ZNF366: variants seen among roughly 807,000 people sequenced by gnomAD.
ZNF366 encodes dendritic cell-specific transcript protein.
ZNF366 carries 20 observed loss-of-function variants against 47.2 expected under a neutral mutation model. The ratio of observed to expected loss-of-function variants is 0.42; its 90% CI spans 0.30 to 0.62. The LOEUF is 0.62. ZNF366 is among the 20% of genes least tolerant of loss of function. ZNF366 has a pLI of 0.16. For synonymous variants in ZNF366, 421 were observed against 395.1 expected (o/e 1.07, Z -0.78); for missense variants, 987 against 976.3 (o/e 1.01, Z -0.15).
At chr5:72,489,053 T>A (rs1743952436) in intron 1 of ZNF366, among the ~76,000 whole-genome samples, 1 of 152,178 alleles carries the variant, frequency 6.6e-6, no homozygotes, top group Non-Finnish European at 1.5e-5. Context: ...ATGACATGTG[T>A]CATTTCCTTG....
At chr5:72,451,753 C>G (rs186020666) in intron 3 of ZNF366, among the ~76,000 whole-genome samples, 2 of 152,334 alleles carry the variant, frequency 1.3e-5, no homozygotes. Flanking sequence ...GTGCCTGCCC[C>G]AGGTCTAGGA....
intron 1 of ZNF366, among the ~76,000 whole-genome samples, chr5:72,489,178 C>T (rs776071544): frequency 6.6e-6 from 1 of 151,696 alleles, no homozygotes; most frequent in African/African-American, 2.4e-5. Context: ...GAGCTCAAGA[C>T]CAGCCTAAGC....
chr5:72,489,900 C>G (rs1352311075), intron 1 of ZNF366, among the ~76,000 whole-genome samples: 1 of 152,362 alleles, frequency 6.6e-6, no homozygotes, highest in African/African-American at 2.4e-5. Context: ...GCAGCAGCAT[C>G]ATGCTGCTAT....
chr5:72,480,900 G>A (rs376085904), intron 1 of ZNF366, among the ~76,000 whole-genome samples: 1 of 152,180 alleles, frequency 6.6e-6, no homozygotes, highest in Admixed American at 6.5e-5. Context: ...GCTTTGTAGG[G>A]AGGATTAAGC....
At chr5:72,480,307 T>C (rs1368402686) in intron 1 of ZNF366, among the ~76,000 whole-genome samples, 8 of 152,216 alleles carry the variant, frequency 5.3e-5, no homozygotes. Context: ...TAGAAGAAGA[T>C]TCTGCATAAA....
intron 1 of ZNF366, among the ~76,000 whole-genome samples, chr5:72,482,969 T>C (rs2112345316): frequency 6.6e-6 from 1 of 152,290 alleles, no homozygotes; most frequent in Admixed American, 6.5e-5. Context: ...ACTCAATACT[T>C]TTTTGGCTGA....
At chr5:72,473,880 T>A (rs763124054) in intron 1 of ZNF366, among the ~76,000 whole-genome samples, 1 of 152,224 alleles carries the variant, frequency 6.6e-6, no homozygotes, top group Non-Finnish European at 1.5e-5. Flanking sequence ...ACCATGAAGA[T>A]ACTCAGTAGA....
chr5:72,495,613 G>A (rs548034474), intron 1 of ZNF366, among the ~76,000 whole-genome samples: 1 of 152,324 alleles, frequency 6.6e-6, no homozygotes, highest in East Asian at 1.9e-4. Context: ...CGTTGGTTGT[G>A]ATTTTATATG....
intron 1 of ZNF366, among the ~76,000 whole-genome samples, chr5:72,480,738 A>G (rs1743774310): frequency 1.3e-5 from 2 of 152,262 alleles, no homozygotes; most frequent in South Asian, 2.1e-4. Flanking sequence ...CTGGAAAGAG[A>G]TAATTCATTT....
At chr5:72,458,012 CTTTTTTTTTTTTT>C (rs1228705988) in intron 2 of ZNF366, among the ~76,000 whole-genome samples, 14 of 97,042 alleles carry the variant, frequency 1.4e-4, no homozygotes, top group African/African-American at 4.4e-4. Flanking sequence ...TAGCATCTTT[CTTTTTTTTTTTTT>C]TTTTTTTTTG....
chr5:72,467,200 T>C (rs1167796759), intron 1 of ZNF366, among the ~76,000 whole-genome samples: 1 of 152,228 alleles, frequency 6.6e-6, no homozygotes, highest in Non-Finnish European at 1.5e-5. Context: ...CTTTCTACAA[T>C]GCATCACCCA....
chr5:72,486,665 A>T (rs990813705), intron 1 of ZNF366, among the ~76,000 whole-genome samples: 1 of 152,184 alleles, frequency 6.6e-6, no homozygotes, highest in East Asian at 1.9e-4. Context: ...ACATTTTTCC[A>T]TTCCAGTAAA....
At chr5:72,461,609 G>T (rs1024922618) in intron 1 of ZNF366, 99 bp from the exon 2 acceptor site, 66 of 1,427,530 alleles carry the variant, frequency 4.6e-5, no homozygotes, top group Non-Finnish European at 6.0e-5. Flanking sequence ...AATTTATGAA[G>T]AGTAGTACTT....
Position 72,460,653 on chromosome 5 carries a change from C to T in ZNF366, c.844G>A (p.Ala282Thr), listed in dbSNP as rs370385805. The change falls in exon 2 of 5, where the codon GCG (alanine) becomes ACG (threonine). Residue 282 changes from alanine to threonine, a missense_variant. Around this residue, in one of 3 missense-constraint regions of ZNF366, gnomAD observed 591 missense variants for 560.9 expected, o/e 1.05. Transcript: ENST00000318442. ...ILGHSGIKPH[A>T]CTHCGKLFKQ... ...AAGAGCTTCCCGCAGTGCGTGCACGCGTGCGGCTTGATCCCACTGTGGCCC... is the reference window on the plus strand; with the variant it reads ...AAGAGCTTCCCGCAGTGCGTGCACGTGTGCGGCTTGATCCCACTGTGGCCC... 3.9e-5 allele frequency: 63 copies of T among 1,614,098 alleles called. 2 individuals carry two copies. In the South Asian group the frequency reaches 4.6e-4, roughly 12 times the overall value.
chr5:72,447,502 CTTTG>C, intron 3 of ZNF366, 85 bp from the exon 4 acceptor site: 1 of 1,485,754 alleles, frequency 6.7e-7, no homozygotes, highest in Non-Finnish European at 9.2e-7. Context: ...ACCGTTTCTA[CTTTG>C]TTTGGACATT....
chr5:72,461,144 T>A lies in ZNF366; in HGVS notation c.353A>T (p.Gln118Leu). 6.2e-7 allele frequency: 1 copy of A among 1,614,148 alleles called. No homozygotes were observed. Among genetic ancestry groups the A allele is most frequent in the Non-Finnish European group, 8.5e-7 (1 of 1,180,020 alleles). The change falls in exon 2 of 5, where the codon CAG (glutamine) becomes CTG (leucine). Residue 118 changes from glutamine to leucine, a missense_variant. By Grantham distance (113) the Gln-to-Leu change is moderately radical. Coordinates refer to ENST00000318442, the MANE Select transcript of ZNF366 (RefSeq NM_152625.3). ...AGAGTCATACTTGGGGCGCGGGGGC[T>A]GCGGGAACAGCAAAGGGAGGTTGGG... is the stretch of plus-strand genomic sequence containing the variant. ...GLPNLPLLFP[Q>L]PPRPKYDSQM...
intron 1 of ZNF366, among the ~76,000 whole-genome samples, chr5:72,476,543 C>T (rs367958653): frequency 6.6e-6 from 1 of 152,244 alleles, no homozygotes; most frequent in East Asian, 1.9e-4. Flanking sequence ...CCCTTTCCAC[C>T]ACCCACCCAG....
At chr5:72,490,419 G>T (rs776358835) in intron 1 of ZNF366, among the ~76,000 whole-genome samples, 17 of 152,172 alleles carry the variant, frequency 1.1e-4, no homozygotes, top group Non-Finnish European at 1.9e-4. Flanking sequence ...AGATGAGATA[G>T]AGCTGAATAA....
At chr5:72,457,463 G>A (rs1318707103) in intron 2 of ZNF366, among the ~76,000 whole-genome samples, 2 of 152,148 alleles carry the variant, frequency 1.3e-5, no homozygotes, top group African/African-American at 4.8e-5. Flanking sequence ...TAAACTGAAG[G>A]TTATCATAGG....
Sources: allele counts gnomAD v4.1 joint callset (sites outside exome capture counted in the v4.1 genomes callset), GRCh38; gene constraint gnomAD v4.1.1; regional missense constraint gnomAD v4.1.1; transcripts MANE v1.5; gene names NCBI Gene and HGNC (gene_info 2026-07-23, HGNC 2026-07-21).